The following BOLA3 variants were observed in gnomAD, a reference collection of about 807,000 sequenced individuals.
BOLA3 encodes bolA family member 3, also known as bolA-like protein 3.
BOLA3 carries 8 observed loss-of-function variants against 14.5 expected under a neutral mutation model. The observed-to-expected ratio is 0.55, with a 90% CI of 0.32 to 0.99. The LOEUF is 0.99. BOLA3 is among the 50% of genes least tolerant of loss of function. BOLA3 has a pLI of 0.04. For synonymous variants in BOLA3, 42 were observed against 45.7 expected (o/e 0.92, Z 0.33); for missense variants, 115 against 138.2 (o/e 0.83, Z 0.84).
At chr2:74,136,719 CT>C (rs1692338771) in intron 3 of BOLA3, among the ~76,000 whole-genome samples, 1 of 152,198 alleles carries the variant, frequency 6.6e-6, no homozygotes, top group Admixed American at 6.5e-5. Context: ...CCCTAGCGAA[CT>C]TTTAGGCTGT....
At chr2:74,144,310 A>G (rs545895363) in intron 2 of BOLA3, among the ~76,000 whole-genome samples, 1 of 152,356 alleles carries the variant, frequency 6.6e-6, no homozygotes, top group East Asian at 1.9e-4. Flanking sequence ...CCAAAACCCC[A>G]GCAGATCTTT....
At chr2:74,138,560 G>A (rs1692377734) in intron 3 of BOLA3, among the ~76,000 whole-genome samples, 1 of 152,226 alleles carries the variant, frequency 6.6e-6, no homozygotes, top group African/African-American at 2.4e-5. Flanking sequence ...GGAGAGGCTG[G>A]GAAGCTCCCG....
At chr2:74,140,729 G>T (rs1197270879) in intron 3 of BOLA3, among the ~76,000 whole-genome samples, 2 of 152,218 alleles carry the variant, frequency 1.3e-5, no homozygotes, top group African/African-American at 2.4e-5. Flanking sequence ...GGTGATGGCG[G>T]TCACATTTAT....
At chr2:74,142,098 G>C (rs1295331278) in intron 3 of BOLA3, among the ~76,000 whole-genome samples, 174 bp downstream of exon 3, 4 of 152,190 alleles carry the variant, frequency 2.6e-5, no homozygotes, top group Non-Finnish European at 5.9e-5. Context: ...ATTCCTATTT[G>C]CCACAATGCA....
rs72818025 is a variant in BOLA3, at chr2:74,136,392, C to T, written c.259-734G>A. Among the ~76,000 whole-genome samples, 449 of 152,298 alleles carry T rather than the reference C, an allele frequency of 2.9e-3. 1 individual carries two copies. The highest frequency in any genetic ancestry group is 5.2e-3 in the Non-Finnish European group (352 of 68,028). On this transcript the variant is annotated intron_variant, in intron 3 of 3. Coordinates refer to ENST00000327428, the MANE Select transcript of BOLA3 (RefSeq NM_212552.3). ...ACACCAAGCTTGTCCAACCCACGGC[C>T]CATGACAGCTTTGAATGTGGCCTAA...
chr2:74,147,819 AC>A lies in BOLA3; in HGVS notation c.54+1del. ...AGCAGCCCCGACCCTGCCCACGCTC[AC>A]CCCGCGGATCCCGCGGAGGAGAGGC... On this transcript the variant is annotated splice_donor_variant, in intron 1 of 3. Coordinates refer to ENST00000327428, the MANE Select transcript of BOLA3 (RefSeq NM_212552.3). LOFTEE classifies it high-confidence loss of function. 6.5e-7 allele frequency: 1 copy of A among 1,528,142 alleles called. No individual in the cohort carries two copies. The highest frequency in any genetic ancestry group is 8.7e-7 in the Non-Finnish European group (1 of 1,144,254). The allele number at this position is 1,528,142 out of a possible 1,614,324, so 94.7% of individuals were successfully genotyped here.
intron 3 of BOLA3, among the ~76,000 whole-genome samples, chr2:74,137,672 G>A (rs1692358850): frequency 6.6e-6 from 1 of 152,090 alleles, no homozygotes; most frequent in Non-Finnish European, 1.5e-5. Flanking sequence ...GGTATCCTGA[G>A]GTCCTGGCCA....
At chr2:74,139,571 G>A (rs751562825) in intron 3 of BOLA3, among the ~76,000 whole-genome samples, 19 of 152,114 alleles carry the variant, frequency 1.2e-4, no homozygotes, top group Admixed American at 2.0e-4. Context: ...AGACCCTGCC[G>A]GCCAACAGAC....
rs773174086 is a variant in BOLA3, at chr2:74,145,184, C to G, written c.169+5G>C. ...GCGCCGTAGGAAGAGTGAGAGAAAC[C>G]TTACCTGAAATGTCAGTGACTTTTA... On this transcript the variant is annotated splice_donor_5th_base_variant and intron_variant, in intron 2 of 3. Coordinates refer to ENST00000327428, the MANE Select transcript of BOLA3 (RefSeq NM_212552.3). 9 of 1,529,774 alleles carry G rather than the reference C, an allele frequency of 5.9e-6. No individual in the cohort carries two copies. Among genetic ancestry groups the G allele is most frequent in the Non-Finnish European group, 8.2e-6 (9 of 1,103,518 alleles). 94.8% of individuals were successfully genotyped at this position (1,529,774 alleles called of 1,614,324 possible). A position where few individuals can be genotyped will look rare whatever the true frequency, so the allele number is the denominator to read the frequency against.
chr2:74,139,238 C>T (rs1030376620), intron 3 of BOLA3, among the ~76,000 whole-genome samples: 1 of 152,156 alleles, frequency 6.6e-6, no homozygotes, highest in Non-Finnish European at 1.5e-5. Context: ...CTTTTCAGGC[C>T]TTTTGGGCAG....
chr2:74,142,319 C>G lies in BOLA3; in HGVS notation c.211G>C (p.Glu71Gln). The change falls in exon 3 of 4, where the codon GAA (glutamate) becomes CAA (glutamine). Residue 71 changes from glutamate (E) to glutamine (Q), a missense_variant. Transcript: ENST00000327428. ...TGGACAGTTCTCTTCTCCTTAAATT[C>G]TTCTGATTCAATTTTAATTTCATAC... is the stretch of plus-strand genomic sequence containing the variant. ...AMYEIKIESE[E>Q]FKEKRTVQQH... The G allele has an allele frequency of 6.2e-7, 1 of 1,614,022 alleles. No individual in the cohort carries two copies. The highest frequency in any genetic ancestry group is 8.5e-7 in the Non-Finnish European group (1 of 1,179,904).
intron 2 of BOLA3, among the ~76,000 whole-genome samples, chr2:74,144,119 C>T (rs1692497036): frequency 6.6e-6 from 1 of 151,794 alleles, no homozygotes; most frequent in Non-Finnish European, 1.5e-5. Flanking sequence ...AAGTCTCCTG[C>T]CTCAGACTCT....
intron 3 of BOLA3, among the ~76,000 whole-genome samples, chr2:74,136,981 C>T (rs931816312): frequency 2.0e-5 from 3 of 152,122 alleles, no homozygotes; most frequent in African/African-American, 7.2e-5. Context: ...GGGCTTGGAC[C>T]GCTCAAGTTT....
Position 74,142,168 on chromosome 2 carries a change from C to T in BOLA3, c.258+104G>A, listed in dbSNP as rs1045033020. 6.0e-6 allele frequency: 5 copies of T among 837,372 alleles called. No homozygotes were observed. The African/African-American group carries it at 8.4e-5, about 14-fold the overall frequency. 51.9% of individuals were successfully genotyped at this position (837,372 alleles called of 1,614,324 possible). A position where few individuals can be genotyped will look rare whatever the true frequency, so the allele number is the denominator to read the frequency against. ...GTCCTGTTTCGTGATTGCAGTACTG[C>T]ATTATTCTCTCCTGCAACTGACGGC... On this transcript the variant is annotated intron_variant, in intron 3 of 3. Coordinates refer to ENST00000327428, the MANE Select transcript of BOLA3 (RefSeq NM_212552.3).
chr2:74,144,369 C>T (rs1357125309), intron 2 of BOLA3, among the ~76,000 whole-genome samples: 1 of 152,228 alleles, frequency 6.6e-6, no homozygotes, highest in Non-Finnish European at 1.5e-5. Flanking sequence ...ACTTTCTAAA[C>T]TTTCTCCTCA....
In BOLA3 at chr2:74,145,655, T is replaced by G. The variant is rs1572944508; in HGVS notation, c.55-352A>C. On this transcript the variant is annotated intron_variant, in intron 1 of 3. Transcript: ENST00000327428. The stretch of plus-strand genomic sequence containing the variant: ...AAGGAAACTGAGGCACACAGTAATG[T>G]GCCCAAGGTTGAATTCGGTAAGATA... The G allele has an allele frequency of 8.9e-6, 3 of 338,582 alleles. No individual in the cohort carries two copies. The East Asian group carries it at 2.3e-4, about 26-fold the overall frequency. The allele number at this position is 338,582 out of a possible 1,614,324, so 21.0% of individuals were successfully genotyped here.
rs1362127129 is a variant in BOLA3, at chr2:74,147,832, C to T, written c.43G>A (p.Gly15Arg). Reference sequence around the variant, plus strand: ...CTGCCCACGCTCACCCCGCGGATCCCGCGGAGGAGAGGCGCTGCCGCGGCC... The same window carrying T: ...CTGCCCACGCTCACCCCGCGGATCCTGCGGAGGAGAGGCGCTGCCGCGGCC... ...SPAAAAPLLRGIRGLPLHHRM... is the reference protein window; with the variant it reads ...SPAAAAPLLRRIRGLPLHHRM... Residue 15 changes from glycine (G) to arginine (R), a missense_variant, in exon 1 of 4, where the codon GGG (glycine) becomes AGG (arginine). Physicochemically the swap from Gly to Arg is moderately radical, Grantham distance 125. Coordinates refer to ENST00000327428, the MANE Select transcript of BOLA3 (RefSeq NM_212552.3). 1 of 1,527,836 alleles carries T rather than the reference C, an allele frequency of 6.5e-7. No homozygotes were observed. Among genetic ancestry groups the T allele is most frequent in the Admixed American group, 2.0e-5 (1 of 50,730 alleles). 94.6% of individuals were successfully genotyped at this position (1,527,836 alleles called of 1,614,324 possible). A position where few individuals can be genotyped will look rare whatever the true frequency, so the allele number is the denominator to read the frequency against.
intron 3 of BOLA3, among the ~76,000 whole-genome samples, chr2:74,137,105 G>A (rs1451647143): frequency 6.6e-6 from 1 of 152,128 alleles, no homozygotes; most frequent in African/African-American, 2.4e-5. Context: ...CTTCTCTTGG[G>A]GAATAATTCC....
Position 74,147,883 on chromosome 2 carries a change from G to A in BOLA3, c.-9C>T. 6.6e-7 allele frequency: 1 copy of A among 1,514,202 alleles called. No individual in the cohort carries two copies. Among genetic ancestry groups the A allele is most frequent in the Non-Finnish European group, 8.8e-7 (1 of 1,138,758 alleles). 93.8% of individuals were successfully genotyped at this position (1,514,202 alleles called of 1,614,324 possible). ...GGGCTCCATGCAGCCATGCCCGGCC[G>A]ACGTGACCCGCCGCCCGAGGTCACT... On this transcript the variant is annotated 5_prime_UTR_variant, in exon 1 of 4. Transcript: ENST00000327428.
Sources: gnomAD v4.1 joint callset for allele counts (sites outside exome capture counted in the v4.1 genomes callset) on GRCh38, gnomAD v4.1.1 for gene constraint, MANE v1.5 for transcripts, NCBI Gene and HGNC (gene_info 2026-07-23, HGNC 2026-07-21) for gene names.